Variants in SSUH2 observed in about 807,000 individuals in gnomAD.
SSUH2 encodes ssu-2 homolog, also known as protein SSUH2 homolog.
SSUH2 carries 47 observed loss-of-function variants against 55.3 expected under a neutral mutation model. The ratio of observed to expected loss-of-function variants is 0.85; its 90% CI spans 0.67 to 1.08. SSUH2 has a LOEUF of 1.08. Ranked by LOEUF, SSUH2 falls within the 50% of genes least tolerant of loss-of-function variation. The pLI, the probability that SSUH2 is intolerant of heterozygous loss-of-function variation, is 0.00. For synonymous variants in SSUH2, 212 were observed against 191.5 expected (o/e 1.11, Z -0.89); for missense variants, 535 against 490.7 (o/e 1.09, Z -0.85).
intron 7 of SSUH2, among the ~76,000 whole-genome samples, chr3:8,657,782 C>G (rs1559500614): frequency 6.6e-6 from 1 of 152,230 alleles, no homozygotes; most frequent in Non-Finnish European, 1.5e-5. Flanking sequence ...GGATTCAGTT[C>G]TGTAGACTCC....
chr3:8,629,964 G>A (rs1434350024), intron 6 of SSUH2, among the ~76,000 whole-genome samples: 1 of 152,162 alleles, frequency 6.6e-6, no homozygotes, highest in Admixed American at 6.5e-5. Context: ...GGGGAGACGT[G>A]TTCTGGGAGC....
chr3:8,656,586 C>T (rs775413596), intron 7 of SSUH2, among the ~76,000 whole-genome samples: 10 of 152,186 alleles, frequency 6.6e-5, no homozygotes, highest in East Asian at 3.9e-4. Flanking sequence ...CGACGGGGAG[C>T]GAGGAAGACA....
At chr3:8,661,546 T>C (rs1398391616) in intron 6 of SSUH2, among the ~76,000 whole-genome samples, 2 of 152,234 alleles carry the variant, frequency 1.3e-5, no homozygotes, top group Non-Finnish European at 2.9e-5. Context: ...CAAGTCAGCC[T>C]GCCTGTTTCA....
intron 1 of SSUH2, among the ~76,000 whole-genome samples, chr3:8,640,465 G>T (rs902430474): frequency 1.3e-5 from 2 of 152,242 alleles, no homozygotes; most frequent in South Asian, 4.1e-4. Flanking sequence ...TGGCAGGTAA[G>T]GTCCCTACAT....
Position 8,679,244 on chromosome 3 carries a change from C to G in SSUH2, c.-901+461G>C, listed in dbSNP as rs1250328405. Among the ~76,000 whole-genome samples the G allele has an allele frequency of 4.8e-4, 40 of 83,356 alleles. 7 individuals are homozygous for G. Among genetic ancestry groups the G allele is most frequent in the South Asian group, 9.2e-4 (2 of 2,166 alleles). 54.7% of individuals were successfully genotyped at this position (83,356 alleles called of 152,430 possible). ...ACCCTCCGTGAGCGGGGACTGAGAGCCAGCCAATTTTCCCCCTGGCTTTTA... is the reference window on the plus strand; with the variant it reads ...ACCCTCCGTGAGCGGGGACTGAGAGGCAGCCAATTTTCCCCCTGGCTTTTA... On this transcript the variant is annotated intron_variant, in intron 2 of 18. Coordinates refer to the SSUH2 transcript ENST00000317371.
upstream of SSUH2, among the ~76,000 whole-genome samples, chr3:8,647,318 C>T (rs1218470018): frequency 6.6e-6 from 1 of 152,240 alleles, no homozygotes; most frequent in African/African-American, 2.4e-5. Flanking sequence ...TCATTTTCGG[C>T]TGAACAAAGA....
rs1401430981 is a variant in SSUH2, at chr3:8,620,092, C to T, written c.982-78G>A. The T allele has an allele frequency of 2.7e-6, 4 of 1,505,270 alleles. No homozygotes were observed. In the Admixed American group the frequency reaches 7.4e-5, roughly 28 times the overall value. 93.2% of individuals were successfully genotyped at this position (1,505,270 alleles called of 1,614,324 possible). On this transcript the variant is annotated intron_variant, in intron 11 of 11. Transcript: ENST00000544814. ...CCTGCTCAGGAACTTTCAGTAGCTC[C>T]CTACTGTGTGTGGTATGAAAGGTCC... is the stretch of plus-strand genomic sequence containing the variant.
intron 11 of SSUH2, among the ~76,000 whole-genome samples, chr3:8,621,466 G>T (rs1211040805): frequency 6.6e-6 from 1 of 152,192 alleles, no homozygotes; most frequent in Non-Finnish European, 1.5e-5. Flanking sequence ...TGGGCAGTGG[G>T]GGTGTATTTT....
chr3:8,651,289 T>C (rs1187741796), intron 7 of SSUH2, among the ~76,000 whole-genome samples: 1 of 152,226 alleles, frequency 6.6e-6, no homozygotes. Context: ...ATCTCTCGGC[T>C]ATCTCAGCAA....
chr3:8,633,046 G>A (rs905818369), intron 4 of SSUH2, among the ~76,000 whole-genome samples: 28 of 151,920 alleles, frequency 1.8e-4, no homozygotes, highest in East Asian at 1.9e-4. Context: ...TGATGCTACC[G>A]TATAGGGCAG....
At chr3:8,655,730 C>T (rs748592979) in intron 7 of SSUH2, among the ~76,000 whole-genome samples, 1 of 152,208 alleles carries the variant, frequency 6.6e-6, no homozygotes, top group African/African-American at 2.4e-5. Flanking sequence ...GGAGAGAAAG[C>T]ACCATTCCTT....
chr3:8,671,811 C>T (rs1704604000), intron 4 of SSUH2: 1 of 151,368 alleles, frequency 6.6e-6, no homozygotes, highest in South Asian at 2.1e-4. Flanking sequence ...CCCCCCTCTC[C>T]CCACCTGGAT....
At position 8,626,270 on chromosome 3, in the gene SSUH2, C is replaced by A. The variant is rs1302994304; in HGVS notation, c.726G>T (p.Gly242=). 1.2e-6 allele frequency: 2 copies of A among 1,614,144 alleles called. No homozygotes were observed. The highest frequency in any genetic ancestry group is 1.1e-5 in the South Asian group (1 of 91,058). The change falls in exon 9 of 12, where the codon GGG becomes GGT. Residue 242 remains glycine, a synonymous_variant. Transcript: ENST00000544814. ...RGNKTCATCK[G]EKKLLHFIQL... Reference sequence around the variant, plus strand: ...GGATGAAGTGCAACAGCTTCTTCTCCCCCTTGCAGGTGGCGCAGGTCTTGT... The same window carrying A: ...GGATGAAGTGCAACAGCTTCTTCTCACCCTTGCAGGTGGCGCAGGTCTTGT...
chr3:8,662,222 C>T (rs1703563137), intron 6 of SSUH2, among the ~76,000 whole-genome samples: 2 of 152,318 alleles, frequency 1.3e-5, no homozygotes, highest in Middle Eastern at 3.4e-3. Flanking sequence ...GCAGACAGTG[C>T]CTCTGCTTGC....
At chr3:8,657,510 T>G (rs951800413) in intron 7 of SSUH2, among the ~76,000 whole-genome samples, 1 of 152,070 alleles carries the variant, frequency 6.6e-6, no homozygotes, top group Non-Finnish European at 1.5e-5. Context: ...TCCATGCTCA[T>G]AGACAGTGGG....
upstream of SSUH2, among the ~76,000 whole-genome samples, chr3:8,647,820 T>C (rs564642247): frequency 1.1e-4 from 16 of 152,206 alleles, no homozygotes; most frequent in African/African-American, 4.8e-5. Context: ...CCAAAGGGCC[T>C]GGCAGCCACA....
intron 5 of SSUH2, among the ~76,000 whole-genome samples, chr3:8,665,494 C>T (rs1703911127): frequency 6.6e-6 from 1 of 152,110 alleles, no homozygotes; most frequent in African/African-American, 2.4e-5. Context: ...TCCACAACAT[C>T]CTTATTTGGA....
chr3:8,651,335 C>T (rs924003474), intron 7 of SSUH2, among the ~76,000 whole-genome samples: 4 of 152,158 alleles, frequency 2.6e-5, no homozygotes, highest in African/African-American at 4.8e-5. Context: ...TCATTGCTGA[C>T]GGTGAGCACT....
chr3:8,657,602 A>C (rs1703063626), intron 7 of SSUH2, among the ~76,000 whole-genome samples: 1 of 152,184 alleles, frequency 6.6e-6, no homozygotes, highest in Non-Finnish European at 1.5e-5. Context: ...CGAGGCTGAC[A>C]CTGGGCACTG....
Sources: allele counts gnomAD v4.1 joint callset (sites outside exome capture counted in the v4.1 genomes callset), GRCh38; gene constraint gnomAD v4.1.1; transcripts MANE v1.5; gene names NCBI Gene and HGNC (gene_info 2026-07-23, HGNC 2026-07-21).